Variants in PI4KA observed in about 807,000 individuals in gnomAD.
PI4KA encodes the protein PI4-kinase alpha.
In PI4KA, 122 loss-of-function variants were observed where a neutral mutation model predicts 271.4. The ratio of observed to expected loss-of-function variants is 0.45; its 90% CI spans 0.39 to 0.52. PI4KA has a LOEUF of 0.52. PI4KA is among the 20% of genes least tolerant of loss of function. The pLI is 0.00. For synonymous variants in PI4KA, 1,041 were observed against 1,078.8 expected (o/e 0.96, Z 0.69); for missense variants, 1,969 against 2,769.1 (o/e 0.71, Z 6.48).
intron 23 of PI4KA, among the ~76,000 whole-genome samples, chr22:20,758,137 G>A (rs575991702): frequency 2.6e-5 from 4 of 151,822 alleles, no homozygotes; most frequent in Non-Finnish European, 5.9e-5. Context: ...AGGCCGAGGC[G>A]GGCGGATCAC....
At chr22:20,790,520 G>A (rs1934559530) in intron 19 of PI4KA, among the ~76,000 whole-genome samples, 1 of 151,906 alleles carries the variant, frequency 6.6e-6, no homozygotes, top group South Asian at 2.1e-4. Flanking sequence ...AATTAGCCGT[G>A]CATGGTGGTG....
Position 20,752,961 on chromosome 22 carries a change from G to C in PI4KA, c.2929C>G (p.His977Asp). The C allele has an allele frequency of 6.2e-7, 1 of 1,614,130 alleles. No homozygotes were observed. The highest frequency in any genetic ancestry group is 8.5e-7 in the Non-Finnish European group (1 of 1,179,954). The change falls in exon 25 of 55, where the codon CAC (histidine) becomes GAC (aspartate). Residue 977 changes from histidine (H) to aspartate (D), a missense_variant. Physicochemically the swap from His to Asp is moderately conservative, Grantham distance 81 (BLOSUM62 -1). Transcript: ENST00000255882. ...HAQFLLVNFN[H>D]IHKRIRRVAD... ...ACCCTCCTTATCCTCTTGTGGATGTGGTTGAAGTTCACCAACAGGAACTGA... is the reference window on the plus strand; with the variant it reads ...ACCCTCCTTATCCTCTTGTGGATGTCGTTGAAGTTCACCAACAGGAACTGA...
At position 20,844,450 on chromosome 22, in the gene PI4KA, G is replaced by A. The variant is rs535013400; in HGVS notation, c.157-5719C>T. ...TACTGAATGAATGGAGGGACGGATG[G>A]AAGAACTCTCAAATGAAGTAATATA... is the stretch of plus-strand genomic sequence containing the variant. On this transcript the variant is annotated intron_variant, in intron 1 of 54. Coordinates refer to ENST00000255882, the MANE Select transcript of PI4KA (RefSeq NM_058004.4). Among the ~76,000 whole-genome samples the A allele has an allele frequency of 5.9e-5, 9 of 152,324 alleles. No homozygotes were observed. In the South Asian group the frequency reaches 1.9e-3, roughly 32 times the overall value.
At position 20,795,974 on chromosome 22, in the gene PI4KA, C is replaced by T. The variant is rs769637183; in HGVS notation, c.2277+172G>A. ...GAGAAAACTGCCCTCTCCCCTGATC[C>T]CCACCAGCATCCTTGAGAAAGAACC... On this transcript the variant is annotated intron_variant, in intron 18 of 54. Transcript: ENST00000255882. Among the ~76,000 whole-genome samples, 8 of 152,278 alleles carry T rather than the reference C, an allele frequency of 5.3e-5. 1 individual carries two copies. The highest frequency in any genetic ancestry group is 6.8e-3 in the Middle Eastern group (2 of 294).
At chr22:20,724,740 A>G (rs1164263880) in intron 42 of PI4KA, among the ~76,000 whole-genome samples, 2 of 152,168 alleles carry the variant, frequency 1.3e-5, no homozygotes, top group Non-Finnish European at 2.9e-5. Context: ...TCTGGTAGCC[A>G]CCACCAAGAG....
Position 20,779,248 on chromosome 22 carries a change from G to A in PI4KA, c.2329-13555C>T, listed in dbSNP as rs1317416906. ...CCTGCCATGTGGATGCTGCAGCGGGGTGTGGATCAGCCAGGCCGCCTTTCA... is the reference window on the plus strand; with the variant it reads ...CCTGCCATGTGGATGCTGCAGCGGGATGTGGATCAGCCAGGCCGCCTTTCA... On this transcript the variant is annotated intron_variant, in intron 19 of 54. Coordinates refer to ENST00000255882, the MANE Select transcript of PI4KA (RefSeq NM_058004.4). 4 of 1,610,160 alleles carry A rather than the reference G, an allele frequency of 2.5e-6. No homozygotes were observed. The Admixed American group carries it at 6.7e-5, about 27-fold the overall frequency.
intron 32 of PI4KA, chr22:20,736,895 C>T (rs1450447236): frequency 2.6e-5 from 4 of 153,478 alleles, no homozygotes; most frequent in East Asian, 3.8e-4. Flanking sequence ...TCGCTGACAT[C>T]TACAGTAAAG....
At chr22:20,791,363 C>T (rs1934635915) in intron 19 of PI4KA, among the ~76,000 whole-genome samples, 1 of 152,192 alleles carries the variant, frequency 6.6e-6, no homozygotes, top group Admixed American at 6.5e-5. Flanking sequence ...ACTTTTCCCT[C>T]CAGGCCACAT....
Position 20,819,618 on chromosome 22 carries a change from T to C in PI4KA, c.789+23A>G, listed in dbSNP as rs747887152. 9.3e-6 allele frequency: 15 copies of C among 1,607,262 alleles called. No homozygotes were observed. In the Middle Eastern group the frequency reaches 5.1e-4, roughly 55 times the overall value. ...TTAACAGGGTCTTTCTCCTCTGCTC[T>C]TTCCCCAGTAGCCCAGGCCCACCTG... On this transcript the variant is annotated intron_variant, in intron 6 of 54. Coordinates refer to ENST00000255882, the MANE Select transcript of PI4KA (RefSeq NM_058004.4).
At chr22:20,795,580 A>C (rs1934932499) in intron 18 of PI4KA, among the ~76,000 whole-genome samples, 1 of 152,230 alleles carries the variant, frequency 6.6e-6, no homozygotes, top group Non-Finnish European at 1.5e-5. Context: ...TAAAATTTTA[A>C]GGGTTATTCC....
chr22:20,759,409 T>C (rs959011577), intron 23 of PI4KA, among the ~76,000 whole-genome samples: 6 of 141,032 alleles, frequency 4.3e-5, no homozygotes, highest in Admixed American at 7.0e-5. Flanking sequence ...TTTCTTTTTT[T>C]TTTTTTTTTT....
intron 1 of PI4KA, among the ~76,000 whole-genome samples, chr22:20,856,980 A>G (rs1171921786): frequency 6.6e-6 from 1 of 152,184 alleles, no homozygotes; most frequent in Non-Finnish European, 1.5e-5. Context: ...GTCATAAGAT[A>G]TATTTGTTGG....
chr22:20,780,213 C>G, intron 19 of PI4KA: 1 of 1,614,178 alleles, frequency 6.2e-7, no homozygotes, highest in Non-Finnish European at 8.5e-7. Flanking sequence ...TAAGAGGCAC[C>G]TTTACAGTTC....
chr22:20,748,931 G>C (rs1930392326), intron 28 of PI4KA, among the ~76,000 whole-genome samples: 1 of 152,168 alleles, frequency 6.6e-6, no homozygotes, highest in Non-Finnish European at 1.5e-5. Flanking sequence ...GGCACGCCAA[G>C]GGGACACCTG....
At chr22:20,763,588 C>T (rs1932225413) in intron 22 of PI4KA, among the ~76,000 whole-genome samples, 1 of 152,124 alleles carries the variant, frequency 6.6e-6, no homozygotes, top group Non-Finnish European at 1.5e-5. Flanking sequence ...TATAGGCACC[C>T]GCCACCACAT....
Position 20,734,533 on chromosome 22 carries a change from C to T in PI4KA, c.3762G>A (p.Gly1254=), listed in dbSNP as rs746280630. The T allele has an allele frequency of 3.7e-6, 6 of 1,613,984 alleles. No homozygotes were observed. The highest frequency in any genetic ancestry group is 2.2e-5 in the East Asian group (1 of 44,884). The change falls in exon 33 of 55, where the codon GGG becomes GGA. Residue 1254 remains glycine, a synonymous_variant. Coordinates refer to ENST00000255882, the MANE Select transcript of PI4KA (RefSeq NM_058004.4). ...TCTGCTCCACCGTCATGTGCCAGGC[C>T]CCTGCCATCTCCCGCATGAACTACA... ...VEVPFMREMA[G]AWHMTVEQKF...
chr22:20,738,924 C>T (rs1929048281), intron 32 of PI4KA, among the ~76,000 whole-genome samples: 1 of 151,430 alleles, frequency 6.6e-6, no homozygotes, highest in Non-Finnish European at 1.5e-5. Context: ...ACATCTCGGA[C>T]AGGCGCGGTG....
At chr22:20,771,743 A>C (rs1932884449) in intron 19 of PI4KA, among the ~76,000 whole-genome samples, 1 of 151,794 alleles carries the variant, frequency 6.6e-6, no homozygotes, top group African/African-American at 2.4e-5. Context: ...CACCACACCC[A>C]GCTAATTTTT....
At chr22:20,765,368 T>G (rs1932427418) in intron 20 of PI4KA, 132 bp from the exon 21 acceptor site, 1 of 1,008,696 alleles carries the variant, frequency 9.9e-7, no homozygotes, top group Non-Finnish European at 1.5e-6. Context: ...AAACGAAGTC[T>G]GTTACCTGAC....
Sources: gnomAD v4.1 joint callset for allele counts (sites outside exome capture counted in the v4.1 genomes callset) on GRCh38, gnomAD v4.1.1 for gene constraint, MANE v1.5 for transcripts, NCBI Gene and HGNC (gene_info 2026-07-23, HGNC 2026-07-21) for gene names.